The following ACYP2 variants were observed in gnomAD, a reference collection of about 807,000 sequenced individuals.
The protein encoded by ACYP2 is acylphosphatase-2.
Under a neutral mutation model 11.2 loss-of-function variants are expected in ACYP2, and 12 were observed. The observed-to-expected ratio is 1.08, with a 90% confidence interval of 0.69 to 1.74. The LOEUF (loss-of-function observed/expected upper bound fraction) is 1.74, where lower values mean the gene tolerates loss of function less well. Among genes scored for constraint, ACYP2 ranks in the 40% most tolerant of loss-of-function variants. ACYP2 has a pLI of 0.00. For synonymous variants in ACYP2, 43 were observed against 32.2 expected, an observed-to-expected ratio of 1.33 and a Z score of -1.13; for missense variants, 134 against 101.9, an observed-to-expected ratio of 1.31 and a Z score of -1.35.
At chr2:54,039,992 A>G (rs996616171) in intron 2 of ACYP2, among the ~76,000 whole-genome samples, 2 of 151,860 alleles carry the variant, frequency 1.3e-5, no homozygotes, top group African/African-American at 2.4e-5. Flanking sequence ...AAGTTCTGGG[A>G]TTACAGTCAT....
At chr2:54,051,279 A>T (rs1158347705) in intron 3 of ACYP2, 2 of 792,572 alleles carry the variant, frequency 2.5e-6, no homozygotes, top group Non-Finnish European at 4.5e-6. Flanking sequence ...CAAACTTGTC[A>T]GGAAGAGCAT....
At chr2:54,019,335 G>A (rs1194095405) in intron 2 of ACYP2, among the ~76,000 whole-genome samples, 1 of 151,772 alleles carries the variant, frequency 6.6e-6, no homozygotes, top group Non-Finnish European at 1.5e-5. Flanking sequence ...GCTTCCTGAA[G>A]TGCTAGGATT....
At chr2:54,066,815 T>A (rs1339011885) in intron 4 of ACYP2, among the ~76,000 whole-genome samples, 1 of 152,202 alleles carries the variant, frequency 6.6e-6, no homozygotes, top group Admixed American at 6.5e-5. Flanking sequence ...CCAGACATGG[T>A]GGCCAAACTC....
At chr2:54,266,586 CTATCTTTTTTTTTTTTTTT>C (rs1558655780) in intron 6 of ACYP2, among the ~76,000 whole-genome samples, 43 of 99,236 alleles carry the variant, frequency 4.3e-4, no homozygotes, top group African/African-American at 1.6e-3. Context: ...AGATATCTAT[CTATCTTTTTTTTTTTTTTT>C]TTTTTTTTTT....
intron 4 of ACYP2, among the ~76,000 whole-genome samples, chr2:54,091,495 T>TTATG (rs2103682270): frequency 6.8e-6 from 1 of 147,630 alleles, no homozygotes; most frequent in South Asian, 2.1e-4. Context: ...TTGATTTTAT[T>TTATG]TATTTATTTA....
chr2:54,051,488 A>G (rs546158983), intron 3 of ACYP2: 5 of 701,436 alleles, frequency 7.1e-6, no homozygotes, highest in African/African-American at 7.1e-5. Context: ...AGTGCACCCA[A>G]GAGGACTCCT....
At chr2:54,124,339 C>T (rs1016369266) in intron 4 of ACYP2, among the ~76,000 whole-genome samples, 3 of 152,112 alleles carry the variant, frequency 2.0e-5, no homozygotes, top group African/African-American at 7.2e-5. Context: ...GGATTATAGG[C>T]ATGTGCCACC....
chr2:54,043,109 A>C (rs1675331706), intron 2 of ACYP2, among the ~76,000 whole-genome samples: 1 of 151,956 alleles, frequency 6.6e-6, no homozygotes, highest in Non-Finnish European at 1.5e-5. Context: ...CTGCTATTTT[A>C]AAACTAGTGG....
At chr2:54,167,252 C>T (rs1342141989) in intron 6 of ACYP2, among the ~76,000 whole-genome samples, 1 of 152,152 alleles carries the variant, frequency 6.6e-6, no homozygotes, top group Non-Finnish European at 1.5e-5. Flanking sequence ...TTTCTCCTAG[C>T]TCATCAACTG....
chr2:54,054,860 ATTAC>A (rs1676036855), intron 3 of ACYP2, among the ~76,000 whole-genome samples: 1 of 152,204 alleles, frequency 6.6e-6, no homozygotes, highest in South Asian at 2.1e-4. Context: ...TGAGGTAGAT[ATTAC>A]TTTAGAGATA....
intron 4 of ACYP2, among the ~76,000 whole-genome samples, chr2:54,107,924 C>G (rs1224559200): frequency 6.6e-6 from 1 of 152,194 alleles, no homozygotes; most frequent in Admixed American, 6.5e-5. Context: ...GCTATAGCTG[C>G]TGGATTCAAA....
chr2:54,180,509 G>A (rs547838940), intron 6 of ACYP2, among the ~76,000 whole-genome samples: 3 of 152,258 alleles, frequency 2.0e-5, no homozygotes, highest in African/African-American at 7.2e-5. Context: ...AGGATTTTAG[G>A]AGTTCTATGC....
intron 6 of ACYP2, among the ~76,000 whole-genome samples, chr2:54,283,590 CG>C (rs1688940431): frequency 6.6e-6 from 1 of 152,188 alleles, no homozygotes; most frequent in Non-Finnish European, 1.5e-5. Flanking sequence ...GGTTTTAAAC[CG>C]TGACTTCGTA....
At chr2:54,165,535 T>TCA (rs1163844895) in intron 6 of ACYP2, among the ~76,000 whole-genome samples, 10,881 of 128,736 alleles carry the variant, frequency 0.085, 556 homozygotes, top group Middle Eastern at 0.18. Flanking sequence ...TCTCTCTCTC[T>TCA]CACACACACA....
chr2:54,008,743 C>G (rs1040697222), intron 2 of ACYP2, among the ~76,000 whole-genome samples: 1 of 152,108 alleles, frequency 6.6e-6, no homozygotes, highest in Admixed American at 6.6e-5. Context: ...GTGTTCTATC[C>G]ACTGAGAAAT....
At chr2:54,100,797 C>A (rs1342522323) in intron 4 of ACYP2, among the ~76,000 whole-genome samples, 2 of 152,108 alleles carry the variant, frequency 1.3e-5, no homozygotes, top group East Asian at 1.9e-4. Context: ...GAGGAAAGTA[C>A]CTGGTATTTT....
intron 2 of ACYP2, among the ~76,000 whole-genome samples, chr2:53,984,620 T>C (rs966063541): frequency 6.7e-6 from 1 of 149,534 alleles, no homozygotes; most frequent in African/African-American, 2.4e-5. Context: ...TGTATGCATA[T>C]ATTATATATT....
chr2:54,234,854 C>G (rs191016470), intron 6 of ACYP2, among the ~76,000 whole-genome samples: 213 of 152,292 alleles, frequency 1.4e-3, no homozygotes, highest in African/African-American at 4.9e-3. Context: ...TTCTTCCACC[C>G]AAGCTTCACC....
chr2:54,115,804 G>A (rs934812108), intron 4 of ACYP2, 48 bp downstream of exon 1: 10 of 1,535,350 alleles, frequency 6.5e-6, no homozygotes, highest in Middle Eastern at 1.7e-4. Flanking sequence ...ATGGGAGGAA[G>A]GGGAGAAAGC....
Sources: allele counts gnomAD v4.1 joint callset (sites outside exome capture counted in the v4.1 genomes callset), GRCh38; gene constraint gnomAD v4.1.1; transcripts MANE v1.5; gene names NCBI Gene and HGNC (gene_info 2026-07-23, HGNC 2026-07-21).